Variants in NREP observed in about 807,000 individuals in gnomAD.
The protein encoded by NREP is neuronal regeneration related protein.
NREP carries 5 observed loss-of-function variants against 8.6 expected under a neutral mutation model. That is an observed-to-expected ratio of 0.58 (90% confidence interval 0.30 to 1.22). NREP has a LOEUF of 1.22. Among genes scored for constraint, NREP ranks in the 50% most tolerant of loss-of-function variants. NREP has a pLI of 0.07. For missense variants in NREP, 86 were observed against 82.5 expected, an observed-to-expected ratio of 1.04 and a Z score of -0.17; for synonymous variants, 27 against 28.0, an observed-to-expected ratio of 0.96 and a Z score of 0.11.
At chr5:111,969,215 C>T (rs1037100463) in intron 2 of NREP, among the ~76,000 whole-genome samples, 2 of 152,180 alleles carry the variant, frequency 1.3e-5, no homozygotes, top group African/African-American at 4.8e-5. Flanking sequence ...TGAACTTGTG[C>T]TCATCACATT....
intron 2 of NREP, among the ~76,000 whole-genome samples, chr5:111,963,430 C>CA (rs1288936108): frequency 1.3e-5 from 2 of 152,114 alleles, no homozygotes; most frequent in East Asian, 1.9e-4. Context: ...CAAGAAAGCA[C>CA]AAAAAATATG....
intron 2 of NREP, among the ~76,000 whole-genome samples, chr5:111,777,377 T>C (rs1181308571): frequency 6.6e-6 from 1 of 151,664 alleles, no homozygotes; most frequent in Non-Finnish European, 1.5e-5. Context: ...TGTGTGTGTG[T>C]TTTAAGTACG....
At chr5:111,810,677 T>C (rs75536176) in intron 2 of NREP, among the ~76,000 whole-genome samples, 2 of 152,196 alleles carry the variant, frequency 1.3e-5, no homozygotes, top group Non-Finnish European at 2.9e-5. Context: ...TCTTGTATCA[T>C]GTAGTTTCTG....
upstream of NREP, chr5:111,758,127 G>T: frequency 2.0e-6 from 2 of 985,464 alleles, no homozygotes; most frequent in Non-Finnish European, 2.4e-6. Context: ...CTGCCCCTCA[G>T]CTGGGTACGC....
chr5:111,898,434 CAACT>C (rs761911634), intron 2 of NREP, among the ~76,000 whole-genome samples: 35 of 152,066 alleles, frequency 2.3e-4, no homozygotes, highest in Non-Finnish European at 3.8e-4. Flanking sequence ...TAATTGTTAC[CAACT>C]GAGACGGGGA....
chr5:111,858,504 T>G (rs1198962651), intron 2 of NREP, among the ~76,000 whole-genome samples: 2 of 152,032 alleles, frequency 1.3e-5, no homozygotes, highest in Non-Finnish European at 2.9e-5. Flanking sequence ...ACAAAAATAT[T>G]TAGCAAACAT....
chr5:111,948,995 C>T (rs1429820743), intron 2 of NREP: 1 of 151,934 alleles, frequency 6.6e-6, no homozygotes, highest in Non-Finnish European at 1.5e-5. Context: ...AACAATGAAA[C>T]CATGGAACCT....
intron 2 of NREP, among the ~76,000 whole-genome samples, chr5:111,950,511 C>A (rs1396441354): frequency 6.6e-6 from 1 of 151,990 alleles, no homozygotes; most frequent in Non-Finnish European, 1.5e-5. Flanking sequence ...ACTAAAACAC[C>A]AAAAGCAATG....
chr5:111,843,665 A>T (rs1390876374), intron 2 of NREP, among the ~76,000 whole-genome samples: 1 of 152,142 alleles, frequency 6.6e-6, no homozygotes, highest in Admixed American at 6.5e-5. Flanking sequence ...GCATTTGAAG[A>T]GGTAGGCACC....
intron 2 of NREP, among the ~76,000 whole-genome samples, chr5:111,950,970 G>C (rs1756143126): frequency 2.0e-5 from 3 of 152,150 alleles, no homozygotes; most frequent in East Asian, 1.9e-4. Context: ...CCTTCCCTGA[G>C]AGCACTATCC....
intron 2 of NREP, among the ~76,000 whole-genome samples, chr5:111,794,936 G>T (rs1751841830): frequency 6.6e-6 from 1 of 151,136 alleles, no homozygotes; most frequent in African/African-American, 2.4e-5. Context: ...GGGGGTCAGG[G>T]GATATGTGAA....
chr5:111,774,141 A>G (rs1380733779), intron 2 of NREP, among the ~76,000 whole-genome samples: 1 of 151,596 alleles, frequency 6.6e-6, no homozygotes, highest in African/African-American at 2.4e-5. Context: ...TTCTCCTTAT[A>G]TTACATGTCC....
intron 2 of NREP, among the ~76,000 whole-genome samples, chr5:111,887,838 T>C (rs1037751311): frequency 6.6e-6 from 1 of 152,138 alleles, no homozygotes; most frequent in Non-Finnish European, 1.5e-5. Context: ...TTTACCCAAG[T>C]ACAAATTGGA....
At chr5:111,776,597 C>T (rs1180690849) in intron 2 of NREP, among the ~76,000 whole-genome samples, 3 of 152,022 alleles carry the variant, frequency 2.0e-5, no homozygotes, top group South Asian at 2.1e-4. Context: ...AATAAATAGT[C>T]GTCGATTCAT....
intron 2 of NREP, among the ~76,000 whole-genome samples, chr5:111,945,783 C>T (rs1435501635): frequency 6.6e-6 from 1 of 151,494 alleles, no homozygotes; most frequent in African/African-American, 2.4e-5. Flanking sequence ...TGTTTTTCCT[C>T]AGGATCTGCT....
chr5:111,954,643 G>A (rs1315584331), intron 2 of NREP, among the ~76,000 whole-genome samples: 1 of 152,056 alleles, frequency 6.6e-6, no homozygotes, highest in Non-Finnish European at 1.5e-5. Context: ...AAGGGGAAAA[G>A]AAATAAAGAG....
At chr5:111,895,545 A>G (rs1403862639) in intron 2 of NREP, among the ~76,000 whole-genome samples, 5 of 152,114 alleles carry the variant, frequency 3.3e-5, no homozygotes, top group African/African-American at 9.7e-5. Flanking sequence ...GTGCAACATA[A>G]TGAGTGAGGG....
intron 2 of NREP, chr5:111,755,568 A>C (rs991045327): frequency 1.6e-6 from 1 of 622,570 alleles, no homozygotes; most frequent in Non-Finnish European, 2.9e-6. Context: ...AATAATTGCA[A>C]GTCAAAGAAC....
chr5:111,748,636 G>A (rs1750162042), intron 2 of NREP, among the ~76,000 whole-genome samples: 2 of 152,100 alleles, frequency 1.3e-5, no homozygotes, highest in African/African-American at 4.8e-5. Context: ...TGTAGAAAGA[G>A]AACACCAAAC....
Sources: gnomAD v4.1 joint callset for allele counts (sites outside exome capture counted in the v4.1 genomes callset) on GRCh38, gnomAD v4.1.1 for gene constraint, MANE v1.5 for transcripts, NCBI Gene and HGNC (gene_info 2026-07-23, HGNC 2026-07-21) for gene names.